Variants in IRF2 observed in about 807,000 individuals in gnomAD.
IRF2 encodes the protein interferon regulatory factor 2.
IRF2 carries 15 observed loss-of-function variants against 40.6 expected under a neutral mutation model. The ratio of observed to expected loss-of-function variants is 0.37; its 90% CI spans 0.25 to 0.57. The LOEUF is 0.57. Among genes scored for constraint, IRF2 ranks in the 20% least tolerant of loss-of-function variants. The pLI is 0.77. For missense variants in IRF2, 317 were observed against 455.7 expected, an observed-to-expected ratio of 0.70 and a Z score of 2.77; for synonymous variants, 151 against 165.5, an observed-to-expected ratio of 0.91 and a Z score of 0.67.
chr4:184,465,241 G>A (rs948744674), intron 1 of IRF2, among the ~76,000 whole-genome samples: 3 of 152,190 alleles, frequency 2.0e-5, no homozygotes, highest in African/African-American at 7.2e-5. Context: ...CCAAGAGCCT[G>A]GCCAGGAAAG....
In IRF2 at chr4:184,436,113, A is replaced by G. The variant is rs529511188; in HGVS notation, c.-6-7043T>C. On this transcript the variant is annotated intron_variant, in intron 1 of 8. Coordinates refer to ENST00000393593, the MANE Select transcript of IRF2 (RefSeq NM_002199.4). ...TGCCTCAGCCTCCGGAGTAGCTGGGACTACAGGTGCCCACCACCATGCCCA... is the reference window on the plus strand; with the variant it reads ...TGCCTCAGCCTCCGGAGTAGCTGGGGCTACAGGTGCCCACCACCATGCCCA... 6.6e-5 allele frequency among the ~76,000 whole-genome samples: 10 copies of G among 151,914 alleles called. No homozygotes were observed. In the South Asian group the frequency reaches 1.9e-3, roughly 28 times the overall value.
intron 1 of IRF2, among the ~76,000 whole-genome samples, chr4:184,464,135 G>A (rs1361320319): frequency 6.6e-6 from 1 of 152,114 alleles, no homozygotes; most frequent in African/African-American, 2.4e-5. Context: ...TGAAGACAGC[G>A]ACCATTTAGG....
intron 1 of IRF2, among the ~76,000 whole-genome samples, chr4:184,439,703 GT>G (rs1738228614): frequency 6.6e-6 from 1 of 152,136 alleles, no homozygotes; most frequent in Non-Finnish European, 1.5e-5. Context: ...TATTAGGCAC[GT>G]TTTCTATATC....
At chr4:184,420,184 T>A (rs940241468) in intron 2 of IRF2, among the ~76,000 whole-genome samples, 5 of 152,212 alleles carry the variant, frequency 3.3e-5, no homozygotes, top group African/African-American at 7.2e-5. Context: ...CTCTTTTTTT[T>A]ATAAAACCAC....
Position 184,390,736 on chromosome 4 carries a change from A to C in IRF2, c.708T>G (p.Thr236=), listed in dbSNP as rs553387222. ...PVSSYAESET[T]DSVPSDEESA... Reference sequence around the variant, plus strand: ...TCTCTTCATCGCTGGGCACACTATCAGTCGTTTCGCTTTCTGTTCACAGAG... The same window carrying C: ...TCTCTTCATCGCTGGGCACACTATCCGTCGTTTCGCTTTCTGTTCACAGAG... Residue 236 remains threonine, a synonymous_variant, in exon 8 of 9, where the codon ACT becomes ACG. Transcript: ENST00000393593. 1.2e-6 allele frequency: 2 copies of C among 1,614,210 alleles called. No homozygotes were observed. The highest frequency in any genetic ancestry group is 1.1e-5 in the South Asian group (1 of 91,086).
chr4:184,391,045 T>C (rs575968593), intron 7 of IRF2, among the ~76,000 whole-genome samples: 2 of 152,254 alleles, frequency 1.3e-5, no homozygotes, highest in Non-Finnish European at 2.9e-5. Context: ...ACTGCAGCTC[T>C]GTCCACAATG....
At chr4:184,392,391 G>A (rs1334513818) in intron 7 of IRF2, among the ~76,000 whole-genome samples, 1 of 152,228 alleles carries the variant, frequency 6.6e-6, no homozygotes, top group Non-Finnish European at 1.5e-5. Flanking sequence ...CAAAAGTGAA[G>A]CTCGTGTTCT....
At chr4:184,459,532 C>A (rs1224828059) in intron 1 of IRF2, among the ~76,000 whole-genome samples, 1 of 152,220 alleles carries the variant, frequency 6.6e-6, no homozygotes, top group Admixed American at 6.5e-5. Context: ...ATCAGCTTCA[C>A]AGCATCTCAA....
intron 2 of IRF2, among the ~76,000 whole-genome samples, chr4:184,424,730 T>C (rs1737607345): frequency 6.6e-6 from 1 of 152,182 alleles, no homozygotes; most frequent in East Asian, 1.9e-4. Context: ...GAGTCAGGTA[T>C]TCTGTTAGAA....
At chr4:184,411,537 G>A (rs1010148843) in intron 5 of IRF2, among the ~76,000 whole-genome samples, 20 of 152,036 alleles carry the variant, frequency 1.3e-4, no homozygotes, top group Non-Finnish European at 2.2e-4. Context: ...CACTGACACC[G>A]TCACTCTGGA....
At chr4:184,418,921 A>C (rs1737378556) in intron 3 of IRF2, among the ~76,000 whole-genome samples, 1 of 152,222 alleles carries the variant, frequency 6.6e-6, no homozygotes, top group African/African-American at 2.4e-5. Context: ...AGTTCCAGTC[A>C]AACTGGGACA....
chr4:184,465,062 G>A (rs1052614349), intron 1 of IRF2, among the ~76,000 whole-genome samples: 10 of 152,102 alleles, frequency 6.6e-5, no homozygotes, highest in Non-Finnish European at 1.5e-4. Flanking sequence ...TCCTACCCAG[G>A]GGTTTTGTGT....
chr4:184,414,840 A>G (rs748637501), intron 5 of IRF2, among the ~76,000 whole-genome samples: 2 of 152,262 alleles, frequency 1.3e-5, no homozygotes, highest in Non-Finnish European at 2.9e-5. Context: ...GCAAATATTC[A>G]TACCTAGTTA....
intron 1 of IRF2, among the ~76,000 whole-genome samples, chr4:184,467,242 G>A (rs185049968): frequency 4.6e-5 from 7 of 152,200 alleles, no homozygotes; most frequent in Admixed American, 2.6e-4. Context: ...TCACCCCTCC[G>A]ATCTCTAAAA....
chr4:184,421,133 A>G (rs995083480), intron 2 of IRF2, among the ~76,000 whole-genome samples: 14 of 152,170 alleles, frequency 9.2e-5, no homozygotes, highest in African/African-American at 3.4e-4. Flanking sequence ...AGTTTCCACC[A>G]CTTCAGTCTC....
chr4:184,409,853 T>C (rs1378167140), intron 5 of IRF2, among the ~76,000 whole-genome samples: 1 of 151,488 alleles, frequency 6.6e-6, no homozygotes, highest in African/African-American at 2.4e-5. Flanking sequence ...GCTATGATCA[T>C]GTCACTGCAC....
chr4:184,431,784 T>C (rs1737889410), intron 1 of IRF2, among the ~76,000 whole-genome samples: 1 of 121,300 alleles, frequency 8.2e-6, no homozygotes, highest in Non-Finnish European at 1.9e-5. Flanking sequence ...GAGAGGCGTG[T>C]GGAAGTGGCC....
rs1736149976 is a variant in IRF2, at chr4:184,388,896, G to A, written c.912C>T (p.Ser304=). ...EESNPVPYNS[S]WPPFQDLPLS... ...GGGGGAGGTCTTGAAAAGGGGGCCAGGAGCTGTTGTAAGGCACCGGATTGC... is the reference window on the plus strand; with the variant it reads ...GGGGGAGGTCTTGAAAAGGGGGCCAAGAGCTGTTGTAAGGCACCGGATTGC... The change falls in exon 9 of 9, where the codon TCC becomes TCT. Residue 304 remains serine, a synonymous_variant. Coordinates refer to ENST00000393593, the MANE Select transcript of IRF2 (RefSeq NM_002199.4). The surrounding 1 kb of genome is among the most constrained non-coding windows in gnomAD (Gnocchi z 4.6). 1 of 1,614,076 alleles carries A rather than the reference G, an allele frequency of 6.2e-7. No homozygotes were observed. The highest frequency in any genetic ancestry group is 8.5e-7 in the Non-Finnish European group (1 of 1,180,006).
intron 1 of IRF2, among the ~76,000 whole-genome samples, chr4:184,442,989 G>A (rs528373540): frequency 1.1e-3 from 165 of 151,624 alleles, no homozygotes; most frequent in African/African-American, 3.7e-3. Context: ...GCAATGGCAC[G>A]ATCTCTGCTC....
Sources: allele counts gnomAD v4.1 joint callset (sites outside exome capture counted in the v4.1 genomes callset), GRCh38; gene constraint gnomAD v4.1.1; non-coding constraint Gnocchi (gnomAD v3.1); transcripts MANE v1.5; gene names NCBI Gene and HGNC (gene_info 2026-07-23, HGNC 2026-07-21).